GABRG3: variants seen among roughly 807,000 people sequenced by gnomAD.
GABRG3 encodes the protein gamma-aminobutyric acid type A receptor subunit gamma3.
In GABRG3, 25 loss-of-function variants were observed where a neutral mutation model predicts 48.8. The observed-to-expected ratio is 0.51, with a 90% CI of 0.37 to 0.72. GABRG3 has a LOEUF of 0.72. GABRG3 is among the 30% of genes least tolerant of loss of function. GABRG3 has a pLI of 0.00. For missense variants in GABRG3, 394 were observed against 577.9 expected (o/e 0.68, Z 3.26); for synonymous variants, 227 against 217.6 (o/e 1.04, Z -0.38).
chr15:27,501,101 G>A (rs184055921), intron 6 of GABRG3, among the ~76,000 whole-genome samples: 72 of 151,946 alleles, frequency 4.7e-4, no homozygotes, highest in East Asian at 3.7e-3. Flanking sequence ...ACAGGCGCCC[G>A]CCACCACGCC....
chr15:26,971,899 C>T (rs1894853331), intron 1 of GABRG3, among the ~76,000 whole-genome samples: 1 of 152,112 alleles, frequency 6.6e-6, no homozygotes, highest in South Asian at 2.1e-4. Context: ...ATTTCTGGCT[C>T]CTTACCGACC....
intron 3 of GABRG3, among the ~76,000 whole-genome samples, chr15:27,290,464 C>T (rs1424370167): frequency 1.3e-5 from 2 of 152,040 alleles, no homozygotes; most frequent in Non-Finnish European, 2.9e-5. Flanking sequence ...TGATCTTATC[C>T]AGATGATCAA....
At chr15:26,977,758 C>T (rs1307870191) in intron 2 of GABRG3, among the ~76,000 whole-genome samples, 2 of 152,064 alleles carry the variant, frequency 1.3e-5, no homozygotes, top group African/African-American at 4.8e-5. Context: ...CTGTTTTTGT[C>T]TATTGCAAAT....
intron 5 of GABRG3, among the ~76,000 whole-genome samples, chr15:27,417,259 A>T (rs1002063075): frequency 6.6e-6 from 1 of 152,154 alleles, no homozygotes; most frequent in African/African-American, 2.4e-5. Context: ...AATTATCTCA[A>T]AATTGAGATT....
intron 5 of GABRG3, among the ~76,000 whole-genome samples, chr15:27,421,979 C>CTA (rs1888132164): frequency 3.3e-5 from 5 of 151,272 alleles, no homozygotes; most frequent in African/African-American, 1.2e-4. Context: ...GGCTGCATAT[C>CTA]CACCAATACT....
Position 27,388,369 on chromosome 15 carries a change from A to AAAGGAAGGAAGG in GABRG3, c.574+59488_574+59499dup, listed in dbSNP as rs1229639979. ...GAGGGAGGGTAAGGAAGGAAGGAAG[A>AAAGGAAGGAAGG]AAGGAAGGAAGGAAGGAAAGGAGGG... On this transcript the variant is annotated intron_variant, in intron 5 of 9. Transcript: ENST00000615808. Among the ~76,000 whole-genome samples the AAAGGAAGGAAGG allele has an allele frequency of 1.3e-4, 4 of 31,936 alleles. 1 individual carries two copies. Among genetic ancestry groups the AAAGGAAGGAAGG allele is most frequent in the South Asian group, 1.9e-3 (1 of 534 alleles). The allele number at this position is 31,936 out of a possible 152,430, so 21.0% of individuals were successfully genotyped here.
intron 5 of GABRG3, among the ~76,000 whole-genome samples, chr15:27,446,169 GTCTAC>G (rs1472519185): frequency 3.3e-5 from 5 of 152,068 alleles, no homozygotes; most frequent in Non-Finnish European, 7.4e-5. Flanking sequence ...TCTTGTCCAT[GTCTAC>G]ACAAGAGTCA....
intron 5 of GABRG3, among the ~76,000 whole-genome samples, chr15:27,473,756 G>A (rs1342240437): frequency 6.6e-6 from 1 of 152,178 alleles, no homozygotes; most frequent in African/African-American, 2.4e-5. Context: ...CGATGCTGTA[G>A]TGAATATTAC....
At chr15:27,215,571 C>G (rs965362722) in intron 3 of GABRG3, among the ~76,000 whole-genome samples, 33 of 152,184 alleles carry the variant, frequency 2.2e-4, no homozygotes, top group Non-Finnish European at 4.4e-4. Flanking sequence ...CCTAAGACCC[C>G]TTTGTCTTAG....
rs373908487 is a variant in GABRG3, at chr15:27,426,377, G to A, written c.575-54273G>A. Among the ~76,000 whole-genome samples, 8 of 152,312 alleles carry A rather than the reference G, an allele frequency of 5.3e-5. 1 individual carries two copies. In the South Asian group the frequency reaches 6.2e-4, roughly 12 times the overall value. ...TAGTTATTTTAACACTTCCAAAGAC[G>A]TAACTTTGCAGAAGCCTGGTGTCCA... is the stretch of plus-strand genomic sequence containing the variant. On this transcript the variant is annotated intron_variant, in intron 5 of 9. Transcript: ENST00000615808.
intron 3 of GABRG3, among the ~76,000 whole-genome samples, chr15:27,278,868 T>C (rs1266360584): frequency 6.6e-6 from 1 of 152,230 alleles, no homozygotes; most frequent in African/African-American, 2.4e-5. Context: ...TGTTTTGTTT[T>C]GTTTTGTTTT....
At chr15:27,152,580 A>C (rs1033174982) in intron 3 of GABRG3, among the ~76,000 whole-genome samples, 5 of 152,192 alleles carry the variant, frequency 3.3e-5, no homozygotes, top group Non-Finnish European at 5.9e-5. Flanking sequence ...TAGAGAATTC[A>C]TATCTGTATT....
At chr15:27,250,984 C>T (rs142340742) in intron 3 of GABRG3, among the ~76,000 whole-genome samples, 6 of 152,246 alleles carry the variant, frequency 3.9e-5, no homozygotes, top group Admixed American at 1.3e-4. Context: ...ACAAACTGCT[C>T]GCCATCACAG....
chr15:27,148,450 A>G (rs1566947368), intron 3 of GABRG3, among the ~76,000 whole-genome samples: 1 of 152,002 alleles, frequency 6.6e-6, no homozygotes, highest in Non-Finnish European at 1.5e-5. Flanking sequence ...TTCTTTGACA[A>G]GCTTTTCCTA....
intron 3 of GABRG3, among the ~76,000 whole-genome samples, chr15:27,178,809 A>G (rs1887829187): frequency 6.6e-6 from 1 of 152,210 alleles, no homozygotes; most frequent in Non-Finnish European, 1.5e-5. Context: ...GGTATGAGGC[A>G]GGCCCCTCTC....
chr15:27,482,382 G>A (rs1017289608), intron 6 of GABRG3, among the ~76,000 whole-genome samples: 5 of 152,158 alleles, frequency 3.3e-5, no homozygotes, highest in East Asian at 3.9e-4. Context: ...GTGTTGTTGC[G>A]TGTGTGCTTT....
chr15:27,137,857 T>G (rs941224566), intron 3 of GABRG3, among the ~76,000 whole-genome samples: 1 of 152,184 alleles, frequency 6.6e-6, no homozygotes, highest in Non-Finnish European at 1.5e-5. Flanking sequence ...TTACTTTTAT[T>G]TTTGTTTAAG....
chr15:27,159,597 C>T (rs901886967), intron 3 of GABRG3, among the ~76,000 whole-genome samples: 6 of 151,968 alleles, frequency 3.9e-5, no homozygotes, highest in Non-Finnish European at 8.8e-5. Flanking sequence ...CTTATATGAA[C>T]ATTTGATTAT....
intron 3 of GABRG3, among the ~76,000 whole-genome samples, chr15:27,323,429 T>A (rs1893498407): frequency 6.6e-6 from 1 of 152,190 alleles, no homozygotes; most frequent in African/African-American, 2.4e-5. Flanking sequence ...TCTCGTCTCG[T>A]TCCTCAATCC....
Sources: gnomAD v4.1 joint callset for allele counts (sites outside exome capture counted in the v4.1 genomes callset) on GRCh38, gnomAD v4.1.1 for gene constraint, MANE v1.5 for transcripts, NCBI Gene and HGNC (gene_info 2026-07-23, HGNC 2026-07-21) for gene names.